Variants in NMNAT1 observed in about 807,000 individuals in gnomAD.
NMNAT1 encodes the protein nicotinamide/nicotinic acid mononucleotide adenylyltransferase 1.
NMNAT1 carries 11 observed loss-of-function variants against 16.7 expected under a neutral mutation model. That is an observed-to-expected ratio of 0.66 (90% CI 0.41 to 1.09). The LOEUF is 1.09. NMNAT1 is among the 50% of genes least tolerant of loss of function. The pLI is 0.00. For missense variants in NMNAT1, 280 were observed against 332.3 expected (o/e 0.84, Z 1.22); for synonymous variants, 110 against 119.8 (o/e 0.92, Z 0.53).
chr1:9,945,293 A>G (rs1640953319), intron 1 of NMNAT1, among the ~76,000 whole-genome samples: 1 of 152,200 alleles, frequency 6.6e-6, no homozygotes, highest in Non-Finnish European at 1.5e-5. Context: ...TAATGCAATT[A>G]TCTTTCAATT....
At chr1:9,976,655 C>T (rs551302343) in intron 3 of NMNAT1, among the ~76,000 whole-genome samples, 29 of 151,934 alleles carry the variant, frequency 1.9e-4, no homozygotes, top group Non-Finnish European at 2.9e-4. Context: ...GACGGAGTCT[C>T]GCTCTGTCAC....
At chr1:9,953,278 C>CT (rs35129856) in intron 1 of NMNAT1, among the ~76,000 whole-genome samples, 1,653 of 122,730 alleles carry the variant, frequency 0.013, 33 homozygotes, top group African/African-American at 0.036. Context: ...TGTGCGCGGG[C>CT]TTTTTTTTTT....
intron 3 of NMNAT1, among the ~76,000 whole-genome samples, chr1:9,976,478 T>G (rs1242077090): frequency 6.7e-6 from 1 of 149,752 alleles, no homozygotes. Flanking sequence ...AAGCATCCAG[T>G]GCTGCTTGAT....
the NMNAT1 span, among the ~76,000 whole-genome samples, chr1:9,992,556 T>C: frequency 6.6e-6 from 1 of 152,032 alleles, no homozygotes; most frequent in Non-Finnish European, 1.5e-5. Context: ...CCTAAGAGGA[T>C]GAGCAGAGGC....
chr1:9,953,011 T>C (rs189057337), intron 1 of NMNAT1, among the ~76,000 whole-genome samples: 2 of 151,930 alleles, frequency 1.3e-5, no homozygotes, highest in Non-Finnish European at 2.9e-5. Context: ...GACGGAGTCT[T>C]GCTCTGTCGC....
intron 1 of NMNAT1, among the ~76,000 whole-genome samples, chr1:9,957,126 T>G (rs996226556): frequency 1.1e-4 from 17 of 152,144 alleles, no homozygotes; most frequent in Admixed American, 1.1e-3. Flanking sequence ...GCCTCCCAGG[T>G]TCAAGCAATT....
chr1:9,962,015 G>A (rs1444676100), intron 1 of NMNAT1, among the ~76,000 whole-genome samples: 4 of 151,764 alleles, frequency 2.6e-5, no homozygotes, highest in Non-Finnish European at 5.9e-5. Flanking sequence ...TGATCCACCT[G>A]CCTCGCCCTC....
intron 1 of NMNAT1, among the ~76,000 whole-genome samples, chr1:9,945,676 A>C (rs993736832): frequency 9.2e-5 from 14 of 152,240 alleles, no homozygotes. Flanking sequence ...CCTGGGCTAC[A>C]GGGTGAGACT....
At chr1:9,967,699 G>A (rs1641580118) in intron 1 of NMNAT1, among the ~76,000 whole-genome samples, 1 of 152,118 alleles carries the variant, frequency 6.6e-6, no homozygotes, top group Non-Finnish European at 1.5e-5. Context: ...TGAGCACAGT[G>A]GCTCATACCT....
At position 9,984,180 on chromosome 1, in the gene NMNAT1, T is replaced by G. The variant is rs889107220; in HGVS notation, c.*1479T>G. On this transcript the variant is annotated 3_prime_UTR_variant, in exon 5 of 5. Transcript: ENST00000377205. Reference sequence around the variant, plus strand: ...CTCCTGCCTCAGCCTGCTGAGTAGCTGGGATTACAGGCACCCACTACCATG... The same window carrying G: ...CTCCTGCCTCAGCCTGCTGAGTAGCGGGGATTACAGGCACCCACTACCATG... 6.6e-6 allele frequency: 1 copy of G among 152,284 alleles called. No individual in the cohort carries two copies. Among genetic ancestry groups the G allele is most frequent in the Non-Finnish European group, 1.5e-5 (1 of 68,132 alleles). The allele number at this position is 152,284 out of a possible 1,614,324, so 9.4% of individuals were successfully genotyped here. A position where few individuals can be genotyped will look rare whatever the true frequency, so the allele number is the denominator to read the frequency against.
intron 1 of NMNAT1, among the ~76,000 whole-genome samples, chr1:9,944,050 C>T (rs1346424589): frequency 1.3e-5 from 2 of 151,720 alleles, no homozygotes; most frequent in Non-Finnish European, 2.9e-5. Flanking sequence ...GTCAGGAGTT[C>T]GAGACCAGCC....
At chr1:9,953,629 C>CA (rs1377337162) in intron 1 of NMNAT1, among the ~76,000 whole-genome samples, 1 of 151,102 alleles carries the variant, frequency 6.6e-6, no homozygotes, top group Non-Finnish European at 1.5e-5. Flanking sequence ...TTAGTAGAGA[C>CA]AGAGTTTCAC....
intron 1 of NMNAT1, among the ~76,000 whole-genome samples, chr1:9,958,111 G>A (rs1397746624): frequency 6.6e-6 from 1 of 152,182 alleles, no homozygotes; most frequent in Non-Finnish European, 1.5e-5. Context: ...AAGAAGTGAA[G>A]TAGGTGATTG....
At chr1:9,986,440 G>A (rs538255237), downstream of NMNAT1, among the ~76,000 whole-genome samples, 13 of 152,308 alleles carry the variant, frequency 8.5e-5, no homozygotes, top group Admixed American at 2.0e-4. Flanking sequence ...TAGCGCCGGC[G>A]TGGTGGCTCA....
intron 1 of NMNAT1, among the ~76,000 whole-genome samples, chr1:9,962,378 A>G (rs907957864): frequency 8.7e-4 from 131 of 150,468 alleles, no homozygotes; most frequent in Non-Finnish European, 1.8e-3. Context: ...GCTACTTGGG[A>G]GGCTGAGGCA....
rs1357796781 is a variant in NMNAT1, at chr1:9,983,146, A to G, written c.*445A>G. 1 of 152,660 alleles carries G rather than the reference A, an allele frequency of 6.6e-6. No individual in the cohort carries two copies. Among genetic ancestry groups the G allele is most frequent in the Non-Finnish European group, 1.5e-5 (1 of 68,586 alleles). 9.5% of individuals were successfully genotyped at this position (152,660 alleles called of 1,614,324 possible). A position where few individuals can be genotyped will look rare whatever the true frequency, so the allele number is the denominator to read the frequency against. On this transcript the variant is annotated 3_prime_UTR_variant, in exon 5 of 5. Coordinates refer to ENST00000377205, the MANE Select transcript of NMNAT1 (RefSeq NM_022787.4). ...TTAGTAAAAATCAATGGTAAGCTAA[A>G]ATAAGTTTTTGTTTGTTTATTTGTT...
chr1:9,966,960 G>T (rs1162753520), intron 1 of NMNAT1, among the ~76,000 whole-genome samples: 1 of 151,730 alleles, frequency 6.6e-6, no homozygotes, highest in African/African-American at 2.4e-5. Flanking sequence ...ACAGTGGCTC[G>T]AGCCTGTAAT....
chr1:9,983,870 A>G lies in NMNAT1; in HGVS notation c.*1169A>G, dbSNP rs1203506116. The G allele has an allele frequency of 1.3e-5, 2 of 152,178 alleles. No individual in the cohort carries two copies. The highest frequency in any genetic ancestry group is 4.1e-4 in the South Asian group (2 of 4,836). 9.4% of individuals were successfully genotyped at this position (152,178 alleles called of 1,614,324 possible). A position where few individuals can be genotyped will look rare whatever the true frequency, so the allele number is the denominator to read the frequency against. On this transcript the variant is annotated 3_prime_UTR_variant, in exon 5 of 5. Coordinates refer to ENST00000377205, the MANE Select transcript of NMNAT1 (RefSeq NM_022787.4). ...TCCTCTGGGAAACTACACCTAGTTCATCTGAAGTGTCACGTAAACTGCAGA... is the reference window on the plus strand; with the variant it reads ...TCCTCTGGGAAACTACACCTAGTTCGTCTGAAGTGTCACGTAAACTGCAGA...
chr1:9,945,577 G>A (rs1418023061), intron 1 of NMNAT1, among the ~76,000 whole-genome samples: 1 of 152,118 alleles, frequency 6.6e-6, no homozygotes, highest in Non-Finnish European at 1.5e-5. Context: ...GCGTATGCCT[G>A]TAGTTCCAGC....
Sources: allele counts gnomAD v4.1 joint callset (sites outside exome capture counted in the v4.1 genomes callset), GRCh38; gene constraint gnomAD v4.1.1; transcripts MANE v1.5; gene names NCBI Gene and HGNC (gene_info 2026-07-23, HGNC 2026-07-21).